MIB1: variants seen among roughly 807,000 people sequenced by gnomAD.
MIB1 encodes the protein E3 ubiquitin-protein ligase MIB1.
In MIB1, 278 loss-of-function variants were observed where a neutral mutation model predicts 124.5. That is an observed-to-expected ratio of 2.23 (90% CI 2.02 to 2.47). The LOEUF is 2.47. MIB1 is among the 30% of genes most tolerant of loss of function. The pLI is 0.00. For missense variants in MIB1, 957 were observed against 1,254.4 expected (o/e 0.76, Z 3.58); for synonymous variants, 446 against 429.4 (o/e 1.04, Z -0.48).
In MIB1 at chr18:21,866,707, T is replaced by C. The variant is rs2042323876; in HGVS notation, c.*2041T>C. The C allele has an allele frequency of 1.3e-5, 2 of 152,226 alleles. No homozygotes were observed. The highest frequency in any genetic ancestry group is 2.9e-5 in the Non-Finnish European group (2 of 68,026). The allele number at this position is 152,226 out of a possible 1,614,324, so 9.4% of individuals were successfully genotyped here. The stretch of plus-strand genomic sequence containing the variant: ...GCTAAAACAGATCCCTAAAAGGTAA[T>C]AGCATCTTCCAGACTAGTTTAATTA... On this transcript the variant is annotated 3_prime_UTR_variant, in exon 21 of 21. Coordinates refer to ENST00000261537, the MANE Select transcript of MIB1 (RefSeq NM_020774.4).
At chr18:21,769,287 TG>T (rs910258067) in intron 3 of MIB1, among the ~76,000 whole-genome samples, 28 of 152,072 alleles carry the variant, frequency 1.8e-4, no homozygotes, top group African/African-American at 6.0e-4. Context: ...TGGCAGGGAA[TG>T]GGGGTGAAGA....
chr18:21,813,209 G>T (rs2041793905), intron 10 of MIB1, among the ~76,000 whole-genome samples: 1 of 149,944 alleles, frequency 6.7e-6, no homozygotes, highest in Non-Finnish European at 1.5e-5. Flanking sequence ...CACAAAATAG[G>T]GTTAAAAACT....
At position 21,741,519 on chromosome 18, in the gene MIB1, CG is replaced by C. The variant is rs2040850521; in HGVS notation, c.-62del. 2.4e-6 allele frequency: 3 copies of C among 1,224,856 alleles called. No homozygotes were observed. The highest frequency in any genetic ancestry group is 2.1e-6 in the Non-Finnish European group (2 of 961,530). 75.9% of individuals were successfully genotyped at this position (1,224,856 alleles called of 1,614,324 possible). ...GTCCGGCCCGGGCCCAACTCCCTCACGGGCCCCCCGGCGGCAGCGGCGGCGG... is the reference window on the plus strand; with the variant it reads ...GTCCGGCCCGGGCCCAACTCCCTCACGGCCCCCCGGCGGCAGCGGCGGCGG... On this transcript the variant is annotated 5_prime_UTR_variant, in exon 1 of 21. Coordinates refer to ENST00000261537, the MANE Select transcript of MIB1 (RefSeq NM_020774.4). This position sits in a 1 kb window ranked among gnomAD's most constrained non-coding sequence, Gnocchi z 5.4.
At position 21,799,881 on chromosome 18, in the gene MIB1, AG is replaced by A. The variant is rs1568207057; in HGVS notation, c.1279del (p.Glu427AsnfsTer9). 6.2e-7 allele frequency: 1 copy of A among 1,612,190 alleles called. No individual in the cohort carries two copies. The highest frequency in any genetic ancestry group is 1.7e-5 in the Admixed American group (1 of 59,956). ...QLLKKLFETQ[E>X]SGDLNEELVK... ...TCCTGAAGAAATTATTTGAAACCCAAGAATCTGGTGACCTCAATGAAGAATT... is the reference window on the plus strand; with the variant it reads ...TCCTGAAGAAATTATTTGAAACCCAAAATCTGGTGACCTCAATGAAGAATT... On this transcript the variant is annotated frameshift_variant, in exon 9 of 21. Coordinates refer to ENST00000261537, the MANE Select transcript of MIB1 (RefSeq NM_020774.4). LOFTEE classifies it high-confidence loss of function.
upstream of MIB1, among the ~76,000 whole-genome samples, chr18:21,736,158 G>T (rs929509758): frequency 2.0e-5 from 3 of 152,228 alleles, no homozygotes; most frequent in African/African-American, 7.2e-5. Context: ...TGCCCCTCTG[G>T]GATGGAGCTT....
intron 1 of MIB1, among the ~76,000 whole-genome samples, chr18:21,747,540 C>G (rs1469298977): frequency 6.6e-6 from 1 of 152,204 alleles, no homozygotes; most frequent in Admixed American, 6.5e-5. Flanking sequence ...TCTCCTTTTC[C>G]TTTCAACAGA....
intron 4 of MIB1, among the ~76,000 whole-genome samples, chr18:21,777,867 C>T (rs1276297752): frequency 6.6e-6 from 1 of 152,170 alleles, no homozygotes; most frequent in Non-Finnish European, 1.5e-5. Context: ...CAGATTCAGA[C>T]ATTCTAATTT....
chr18:21,711,651 C>T (rs1439941216), intron 1 of MIB1, among the ~76,000 whole-genome samples: 2 of 152,064 alleles, frequency 1.3e-5, no homozygotes, highest in African/African-American at 4.8e-5. Context: ...ACTTTCCTCA[C>T]AAGAGCTCAC....
intron 7 of MIB1, among the ~76,000 whole-genome samples, chr18:21,795,384 A>T (rs1462291627): frequency 6.9e-6 from 1 of 143,988 alleles, no homozygotes; most frequent in Non-Finnish European, 1.5e-5. Flanking sequence ...ATATATTTAT[A>T]TTTATTTTTA....
At position 21,768,640 on chromosome 18, in the gene MIB1, G is replaced by C; in HGVS notation, c.419G>C (p.Arg140Pro). 1 of 1,576,110 alleles carries C rather than the reference G, an allele frequency of 6.3e-7. No individual in the cohort carries two copies. The highest frequency in any genetic ancestry group is 8.6e-7 in the Non-Finnish European group (1 of 1,159,118). Residue 140 changes from arginine to proline, a missense_variant, in exon 3 of 21, where the codon CGT (arginine) becomes CCT (proline). Physicochemically the swap from Arg to Pro is moderately radical, Grantham distance 103. Coordinates refer to ENST00000261537, the MANE Select transcript of MIB1 (RefSeq NM_020774.4). ...ATTTTTAGGGTTCTGTTAGAGTCTCGTAGGAAATCTAAGAAGATTACAGCC... is the reference window on the plus strand; with the variant it reads ...ATTTTTAGGGTTCTGTTAGAGTCTCCTAGGAAATCTAAGAAGATTACAGCC... Reference protein sequence around the residue: ...PGSERVLLESRRKSKKITARG... With the variant: ...PGSERVLLESPRKSKKITARG...
rs112216976 is a variant in MIB1, at chr18:21,839,692, A to G, written c.1962+1195A>G. ...ATTTATTTATTTTTTCTGTAAGACA[A>G]GGTCTCACTATGTTGCCGAAGCTGG... On this transcript the variant is annotated intron_variant, in intron 13 of 20. Coordinates refer to ENST00000261537, the MANE Select transcript of MIB1 (RefSeq NM_020774.4). Among the ~76,000 whole-genome samples the G allele has an allele frequency of 5.5e-4, 84 of 152,126 alleles. 1 individual carries two copies. The highest frequency in any genetic ancestry group is 1.9e-3 in the African/African-American group (77 of 41,504).
At chr18:21,713,291 GGAAAA>G (rs773426825) in intron 1 of MIB1, among the ~76,000 whole-genome samples, 91,509 of 151,580 alleles carry the variant, frequency 0.6, 30,401 homozygotes, top group African/African-American at 0.9. Context: ...ATTTCCAGAT[GGAAAA>G]TAAATTATTT....
intron 13 of MIB1, among the ~76,000 whole-genome samples, chr18:21,838,965 A>G (rs1422364325): frequency 6.6e-6 from 1 of 152,118 alleles, no homozygotes. Context: ...GTACAGACTC[A>G]CCTTGGTCAT....
chr18:21,835,550 G>A lies in MIB1; in HGVS notation c.1830-2815G>A, dbSNP rs11874021. ...TGGGAGGCCCAGGTGGGTGGATCAC[G>A]AGGTCAGGAGTTCAAGACCGGCCTG... On this transcript the variant is annotated intron_variant, in intron 12 of 20. Transcript: ENST00000261537. 7.3e-5 allele frequency among the ~76,000 whole-genome samples: 11 copies of A among 151,418 alleles called. 1 individual carries two copies. The highest frequency in any genetic ancestry group is 1.2e-4 in the African/African-American group (5 of 41,194).
intron 1 of MIB1, among the ~76,000 whole-genome samples, chr18:21,747,922 G>T (rs1178475696): frequency 2.0e-5 from 3 of 152,190 alleles, no homozygotes; most frequent in Non-Finnish European, 4.4e-5. Context: ...AAGGGAAAGG[G>T]TCTGTGTTAT....
rs982903715 is a variant in MIB1 at position 21,824,458 on chromosome 18, G to A, written c.1829+4812G>A. On this transcript the variant is annotated intron_variant, in intron 12 of 20. Transcript: ENST00000261537. ...GGTGTTTAATGCTTTCCTTACAACT[G>A]TAAACATGCTGAGTGCTATCTACAA... is the stretch of plus-strand genomic sequence containing the variant. Among the ~76,000 whole-genome samples the A allele has an allele frequency of 5.5e-4, 84 of 152,090 alleles. 1 individual carries two copies. Among genetic ancestry groups the A allele is most frequent in the Non-Finnish European group, 1.6e-4 (11 of 67,984 alleles).
At position 21,798,205 on chromosome 18, in the gene MIB1, C is replaced by A. The variant is rs1159639197; in HGVS notation, c.1214C>A (p.Ser405Ter). 1 of 1,613,124 alleles carries A rather than the reference C, an allele frequency of 6.2e-7. No individual in the cohort carries two copies. The highest frequency in any genetic ancestry group is 1.7e-5 in the Admixed American group (1 of 59,934). The change falls in exon 8 of 21, where the codon TCA (serine) becomes TAA (stop). Residue 405 changes from serine (S) to a stop codon, truncating the protein, a stop_gained. Transcript: ENST00000261537. LOFTEE classifies it high-confidence loss of function. ...AAVSKVASAG[S>*]AISNASGERL... ...GTTTCCAAGGTGGCATCTGCAGGAT[C>A]AGCCATTAGCAATGCATCTGGTGGT...
At chr18:21,772,504 C>T (rs768703562) in intron 3 of MIB1, among the ~76,000 whole-genome samples, 7 of 152,148 alleles carry the variant, frequency 4.6e-5, no homozygotes, top group Non-Finnish European at 1.0e-4. Context: ...AGGAAATGCT[C>T]ATTGGAGCAT....
intron 20 of MIB1, among the ~76,000 whole-genome samples, chr18:21,863,427 CAG>C: frequency 6.6e-6 from 1 of 152,252 alleles, no homozygotes; most frequent in Non-Finnish European, 1.5e-5. Context: ...ATGGTGAAGG[CAG>C]AGAGTTTTAT....
Sources: gnomAD v4.1 joint callset for allele counts (sites outside exome capture counted in the v4.1 genomes callset) on GRCh38, gnomAD v4.1.1 for gene constraint, Gnocchi (gnomAD v3.1) non-coding constraint, MANE v1.5 for transcripts, NCBI Gene and HGNC (gene_info 2026-07-23, HGNC 2026-07-21) for gene names.